HDLBP: variants seen among roughly 807,000 people sequenced by gnomAD.
HDLBP encodes the protein high density lipoprotein binding protein.
A neutral mutation model predicts 137.3 loss-of-function variants in HDLBP; 30 were observed. The observed-to-expected ratio is 0.22, with a 90% CI of 0.16 to 0.30. The LOEUF is 0.30. Among genes scored for constraint, HDLBP ranks in the 10% least tolerant of loss-of-function variants. The pLI is 1.00. For synonymous variants in HDLBP, 606 were observed against 596.0 expected, an observed-to-expected ratio of 1.02 and a Z score of -0.24; for missense variants, 1,119 against 1,667.3, an observed-to-expected ratio of 0.67 and a Z score of 5.73.
Position 241,263,029 on chromosome 2 carries a change from C to T in HDLBP, c.235-103G>A, listed in dbSNP as rs552025127. 420 of 850,588 alleles carry T rather than the reference C, an allele frequency of 4.9e-4. 1 individual carries two copies. The highest frequency in any genetic ancestry group is 1.6e-3 in the South Asian group (96 of 61,206). The allele number at this position is 850,588 out of a possible 1,614,324, so 52.7% of individuals were successfully genotyped here. A position where few individuals can be genotyped will look rare whatever the true frequency, so the allele number is the denominator to read the frequency against. On this transcript the variant is annotated intron_variant, in intron 4 of 27. Coordinates refer to ENST00000310931, the MANE Select transcript of HDLBP (RefSeq NM_005336.6). ...TCATCACCATCCACTCACAAAGCAGCCCCACCCTGCCCACAGGCACTGCTC... is the reference window on the plus strand; with the variant it reads ...TCATCACCATCCACTCACAAAGCAGTCCCACCCTGCCCACAGGCACTGCTC...
Position 241,248,123 on chromosome 2 carries a change from C to T in HDLBP, c.1618-7G>A, listed in dbSNP as rs541736863. 8.4e-4 allele frequency: 1,358 copies of T among 1,608,162 alleles called. 20 individuals carry two copies. The South Asian group carries it at 0.014, about 17-fold the overall frequency. On this transcript the variant is annotated splice_region_variant and splice_polypyrimidine_tract_variant and intron_variant, in intron 13 of 27. Transcript: ENST00000310931. The stretch of plus-strand genomic sequence containing the variant: ...CTGGAAAGTTAATGATGACCTAGAA[C>T]AAATCATGGGGAGACTAAGTTCAAG...
intron 1 of HDLBP, among the ~76,000 whole-genome samples, chr2:241,298,045 CAAAAAAAAAAAAAAAAA>C (rs71049568): frequency 2.8e-3 from 66 of 23,398 alleles, no homozygotes; most frequent in African/African-American, 0.016. Context: ...GACCCTGTCT[CAAAAAAAAAAAAAAAAA>C]AAAAAAAAAA....
At chr2:241,259,388 T>C (rs1255747740) in intron 5 of HDLBP, among the ~76,000 whole-genome samples, 1 of 152,218 alleles carries the variant, frequency 6.6e-6, no homozygotes, top group Non-Finnish European at 1.5e-5. Context: ...TGCAAGCATG[T>C]AAATGTTGAA....
chr2:241,239,794 C>G lies in HDLBP; in HGVS notation c.2418G>C (p.Leu806=). 1 of 1,613,940 alleles carries G rather than the reference C, an allele frequency of 6.2e-7. No individual in the cohort carries two copies. Among genetic ancestry groups the G allele is most frequent in the Non-Finnish European group, 8.5e-7 (1 of 1,180,002 alleles). ...AGTGGCGGTGGTGCTTGGGGTCCAC[C>G]AGCATGGAGTCTTCCACCACATTAT... is the stretch of plus-strand genomic sequence containing the variant. The part of the protein sequence containing the change: ...NLDNVVEDSM[L]VDPKHHRHFV... Residue 806 remains leucine (L), a synonymous_variant, in exon 19 of 28, where the codon CTG becomes CTC. Transcript: ENST00000310931. This position sits in a 1 kb window ranked among gnomAD's most constrained non-coding sequence, Gnocchi z 4.6.
intron 12 of HDLBP, among the ~76,000 whole-genome samples, chr2:241,248,953 G>A (rs746208573): frequency 4.6e-5 from 7 of 152,152 alleles, no homozygotes; most frequent in Non-Finnish European, 8.8e-5. Context: ...AATTCTGAGA[G>A]ATTCTGGATC....
At chr2:241,241,861 G>A (rs866983818) in intron 17 of HDLBP, among the ~76,000 whole-genome samples, 1 of 152,154 alleles carries the variant, frequency 6.6e-6, no homozygotes, top group African/African-American at 2.4e-5. Context: ...AGTCAAAACT[G>A]CTGAGCTGTC....
rs139295278 is a variant in HDLBP, at chr2:241,267,771, G to A, written c.-38+706C>T. The A allele has an allele frequency of 7.6e-5, 115 of 1,511,066 alleles. 1 individual carries two copies. The highest frequency in any genetic ancestry group is 1.5e-4 in the East Asian group (6 of 40,302). 93.6% of individuals were successfully genotyped at this position (1,511,066 alleles called of 1,614,324 possible). The stretch of plus-strand genomic sequence containing the variant: ...CAACAGTAACAGACCCACAAATTGC[G>A]CTAAATGCCCTTGATCCACACTGAC... On this transcript the variant is annotated intron_variant, in intron 2 of 27. Transcript: ENST00000310931.
chr2:241,253,142 C>G, intron 10 of HDLBP, 107 bp from the exon 11 acceptor site: 1 of 778,672 alleles, frequency 1.3e-6, no homozygotes, highest in Non-Finnish European at 2.2e-6. Context: ...ACTCAGCTGT[C>G]AGGAATTGTT....
At position 241,230,406 on chromosome 2, in the gene HDLBP, G is replaced by C. The variant is rs561399277; in HGVS notation, c.3475-137C>G. 1 of 642,708 alleles carries C rather than the reference G, an allele frequency of 1.6e-6. No individual in the cohort carries two copies. The highest frequency in any genetic ancestry group is 1.8e-5 in the African/African-American group (1 of 55,140). 39.8% of individuals were successfully genotyped at this position (642,708 alleles called of 1,614,324 possible). On this transcript the variant is annotated intron_variant, in intron 25 of 27. Transcript: ENST00000310931. This position sits in a 1 kb window ranked among gnomAD's most constrained non-coding sequence, Gnocchi z 5.0. ...TGGTTTCAGAGTTGTTCTGAAGTCA[G>C]TCAGCCTCATCACCACACCAAGTTA...
At chr2:241,308,309 C>A (rs2075646519) in intron 1 of HDLBP, among the ~76,000 whole-genome samples, 1 of 152,166 alleles carries the variant, frequency 6.6e-6, no homozygotes. Context: ...AAAGCAAAAT[C>A]CACATCTGGG....
At chr2:241,243,442 A>G (rs1559493287) in intron 16 of HDLBP, 1 of 152,550 alleles carries the variant, frequency 6.6e-6, no homozygotes, top group East Asian at 1.9e-4. Context: ...CCTACAGCTC[A>G]GACACCAGGA....
At chr2:241,294,762 A>AT (rs2075119645) in intron 1 of HDLBP, among the ~76,000 whole-genome samples, 1 of 152,212 alleles carries the variant, frequency 6.6e-6, no homozygotes, top group Non-Finnish European at 1.5e-5. Context: ...GGTCTGTTCT[A>AT]GGGATACAGT....
chr2:241,308,430 A>G (rs1033093580), intron 1 of HDLBP, among the ~76,000 whole-genome samples: 3 of 152,240 alleles, frequency 2.0e-5, no homozygotes, highest in Admixed American at 6.5e-5. Flanking sequence ...ATGAGAAAAT[A>G]CTATTAAAAA....
At chr2:241,266,663 T>C in intron 3 of HDLBP, 131 bp downstream of exon 3, 1 of 682,756 alleles carries the variant, frequency 1.5e-6, no homozygotes, top group Non-Finnish European at 2.6e-6. Flanking sequence ...GTGCACAAGA[T>C]GTTGGACCCT....
chr2:241,232,965 A>G (rs1346416962), intron 24 of HDLBP, among the ~76,000 whole-genome samples: 1 of 151,286 alleles, frequency 6.6e-6, no homozygotes. Context: ...TCCAAAAGGG[A>G]ACAAGAAGCT....
At chr2:241,283,145 T>C (rs1241393448) in intron 1 of HDLBP, among the ~76,000 whole-genome samples, 3 of 152,200 alleles carry the variant, frequency 2.0e-5, no homozygotes. Flanking sequence ...GGCTAGAAGA[T>C]TAAACCAGTC....
rs1007407574 is a variant in HDLBP at position 241,230,647 on chromosome 2, G to A, written c.3474+112C>T. The A allele has an allele frequency of 8.9e-6, 8 of 903,830 alleles. No homozygotes were observed. The African/African-American group carries it at 1.2e-4, about 13-fold the overall frequency. The allele number at this position is 903,830 out of a possible 1,614,324, so 56.0% of individuals were successfully genotyped here. On this transcript the variant is annotated intron_variant, in intron 25 of 27. Coordinates refer to ENST00000310931, the MANE Select transcript of HDLBP (RefSeq NM_005336.6). The surrounding 1 kb of genome is among the most constrained non-coding windows in gnomAD (Gnocchi z 5.0). ...AGGACAGTTCCACTGCCAGCCCTGG[G>A]GTTGTGGCCTCATCATCTTGAGGGG...
chr2:241,259,552 A>G (rs570721120), intron 5 of HDLBP, among the ~76,000 whole-genome samples: 1 of 152,240 alleles, frequency 6.6e-6, no homozygotes, highest in East Asian at 1.9e-4. Flanking sequence ...GTGGTGGTGC[A>G]AACACTGCTC....
chr2:241,292,625 T>C (rs757814579), intron 1 of HDLBP, among the ~76,000 whole-genome samples: 1 of 152,218 alleles, frequency 6.6e-6, no homozygotes, highest in Non-Finnish European at 1.5e-5. Flanking sequence ...AAATACATGC[T>C]AAAGTATTTA....
Sources: allele counts gnomAD v4.1 joint callset (sites outside exome capture counted in the v4.1 genomes callset), GRCh38; gene constraint gnomAD v4.1.1; non-coding constraint Gnocchi (gnomAD v3.1); transcripts MANE v1.5; gene names NCBI Gene and HGNC (gene_info 2026-07-23, HGNC 2026-07-21).